The following GSTA3 variants were observed in gnomAD, a reference collection of about 807,000 sequenced individuals.
GSTA3 encodes the protein glutathione S-transferase A3.
A neutral mutation model predicts 23.1 loss-of-function variants in GSTA3; 16 were observed. That is an observed-to-expected ratio of 0.69 (90% CI 0.47 to 1.05). The LOEUF (loss-of-function observed/expected upper bound fraction) is 1.05, where lower values mean the gene tolerates loss of function less well. Among genes scored for constraint, GSTA3 ranks in the 50% least tolerant of loss-of-function variants. GSTA3 has a pLI of 0.00. For synonymous variants in GSTA3, 122 were observed against 91.0 expected (o/e 1.34, Z -1.94); for missense variants, 319 against 263.6 (o/e 1.21, Z -1.46).
intron 1 of GSTA3, among the ~76,000 whole-genome samples, chr6:52,908,225 T>C (rs551002847): frequency 1.3e-5 from 2 of 151,104 alleles, no homozygotes; most frequent in South Asian, 2.1e-4. Flanking sequence ...ATAGAGTAAT[T>C]AAAAAACAAA....
chr6:52,897,580 T>C (rs1765495158), intron 6 of GSTA3, among the ~76,000 whole-genome samples: 1 of 152,224 alleles, frequency 6.6e-6, no homozygotes, highest in African/African-American at 2.4e-5. Flanking sequence ...TGCTGGGCCC[T>C]GGGTCCTTTC....
chr6:52,903,070 C>G (rs1765748539), intron 3 of GSTA3, among the ~76,000 whole-genome samples: 1 of 152,064 alleles, frequency 6.6e-6, no homozygotes, highest in Non-Finnish European at 1.5e-5. Flanking sequence ...AGCTGATGAC[C>G]TCAGCTCATT....
chr6:52,908,391 T>A (rs780091606), intron 1 of GSTA3, among the ~76,000 whole-genome samples: 1 of 152,080 alleles, frequency 6.6e-6, no homozygotes, highest in African/African-American at 2.4e-5. Flanking sequence ...GTCCCACACC[T>A]GTAGTCCCAG....
At chr6:52,898,290 C>A (rs1009606625) in intron 5 of GSTA3, among the ~76,000 whole-genome samples, 1 of 152,122 alleles carries the variant, frequency 6.6e-6, no homozygotes, top group Admixed American at 6.5e-5. Flanking sequence ...AGCGTGTAGC[C>A]TTGACATTCA....
Position 52,897,144 on chromosome 6 carries a change from CA to C in GSTA3, c.547-217del, listed in dbSNP as rs45587434. Among the ~76,000 whole-genome samples, 15 of 152,318 alleles carry C rather than the reference CA, an allele frequency of 9.8e-5. No individual in the cohort carries two copies. In the East Asian group the frequency reaches 2.7e-3, roughly 27 times the overall value. ...CGCAAAGATGTCTTAAAGTTTTAAT[CA>C]ATTCAGTCATCCCTATCTTTCTCCT... On this transcript the variant is annotated intron_variant, in intron 6 of 6. Transcript: ENST00000211122.
At chr6:52,908,190 G>A (rs1042717579) in intron 1 of GSTA3, among the ~76,000 whole-genome samples, 1 of 145,342 alleles carries the variant, frequency 6.9e-6, no homozygotes, top group African/African-American at 2.6e-5. Context: ...TGCCTATAGC[G>A]CTCACTGTTT....
intron 3 of GSTA3, among the ~76,000 whole-genome samples, chr6:52,903,354 G>A (rs1472840000): frequency 2.6e-5 from 4 of 151,374 alleles, no homozygotes; most frequent in Non-Finnish European, 5.9e-5. Flanking sequence ...TTGGGAGGCC[G>A]AGGCGGGCGG....
intron 5 of GSTA3, 124 bp downstream of exon 5, chr6:52,899,810 G>A (rs1765603571): frequency 1.2e-6 from 1 of 869,556 alleles, no homozygotes; most frequent in Non-Finnish European, 1.9e-6. Context: ...GAGAGTCAGA[G>A]AGCTGAATTG....
At chr6:52,907,897 C>A (rs1243823792) in intron 1 of GSTA3, among the ~76,000 whole-genome samples, 1 of 151,548 alleles carries the variant, frequency 6.6e-6, no homozygotes, top group Non-Finnish European at 1.5e-5. Context: ...GTGGGTGCAG[C>A]ACACCAGCAT....
At chr6:52,903,434 A>C (rs918132895) in intron 3 of GSTA3, among the ~76,000 whole-genome samples, 3 of 150,642 alleles carry the variant, frequency 2.0e-5, no homozygotes, top group African/African-American at 7.3e-5. Context: ...AAAAATACAA[A>C]AAAAAAAAAA....
Position 52,896,676 on chromosome 6 carries a change from A to G in GSTA3, c.*130T>C, listed in dbSNP as rs537082845. 80 of 1,031,586 alleles carry G rather than the reference A, an allele frequency of 7.8e-5. No individual in the cohort carries two copies. In the African/African-American group the frequency reaches 1.2e-3, roughly 15 times the overall value. The allele number at this position is 1,031,586 out of a possible 1,614,324, so 63.9% of individuals were successfully genotyped here. A position where few individuals can be genotyped will look rare whatever the true frequency, so the allele number is the denominator to read the frequency against. ...TAGCAAATAGGAGTTTTTATTATTT[A>G]ATTAGCATATAATTGGAAAGGGTTC... On this transcript the variant is annotated 3_prime_UTR_variant, in exon 7 of 7. Transcript: ENST00000211122.
At chr6:52,897,004 C>T (rs775098086) in intron 6 of GSTA3, 76 bp from the exon 7 acceptor site, 91 of 1,589,126 alleles carry the variant, frequency 5.7e-5, no homozygotes, top group Non-Finnish European at 7.3e-5. Context: ...GGGAATTTGA[C>T]CCCTCCTGCC....
chr6:52,903,956 C>A (rs1765793190), intron 2 of GSTA3, among the ~76,000 whole-genome samples: 1 of 152,054 alleles, frequency 6.6e-6, no homozygotes, highest in Non-Finnish European at 1.5e-5. Context: ...GACAATGGGT[C>A]AGAACTGCTC....
At chr6:52,901,447 A>C (rs993364460) in intron 4 of GSTA3, among the ~76,000 whole-genome samples, 1 of 152,226 alleles carries the variant, frequency 6.6e-6, no homozygotes, top group African/African-American at 2.4e-5. Flanking sequence ...TGTAGCATGC[A>C]TCAGTACTTC....
At chr6:52,901,655 T>C (rs943398874) in intron 4 of GSTA3, among the ~76,000 whole-genome samples, 4 of 152,234 alleles carry the variant, frequency 2.6e-5, no homozygotes, top group African/African-American at 9.6e-5. Flanking sequence ...AGTAGAGGAA[T>C]TGCTGGGTCA....
At chr6:52,898,392 C>T (rs917246020) in intron 5 of GSTA3, among the ~76,000 whole-genome samples, 4 of 152,164 alleles carry the variant, frequency 2.6e-5, no homozygotes, top group African/African-American at 9.7e-5. Context: ...CAGGAGTAGA[C>T]TATTTCAGAG....
At chr6:52,898,306 T>C (rs1486420369) in intron 5 of GSTA3, among the ~76,000 whole-genome samples, 1 of 152,118 alleles carries the variant, frequency 6.6e-6, no homozygotes, top group African/African-American at 2.4e-5. Context: ...ATTCAGGATG[T>C]GGCTCTACAA....
Position 52,905,859 on chromosome 6 carries a change from A to C in GSTA3, c.-21-4T>G. 2 of 1,385,776 alleles carry C rather than the reference A, an allele frequency of 1.4e-6. No homozygotes were observed. The highest frequency in any genetic ancestry group is 1.2e-5 in the South Asian group (1 of 84,756). 85.8% of individuals were successfully genotyped at this position (1,385,776 alleles called of 1,614,324 possible). A position where few individuals can be genotyped will look rare whatever the true frequency, so the allele number is the denominator to read the frequency against. Reference sequence around the variant, plus strand: ...TGGTAACAGTCTCTTGGTTTCTCTAAAATGAATGAATGAATGCATGAATGG... The same window carrying C: ...TGGTAACAGTCTCTTGGTTTCTCTACAATGAATGAATGAATGCATGAATGG... On this transcript the variant is annotated splice_region_variant and splice_polypyrimidine_tract_variant and intron_variant, in intron 1 of 6. Transcript: ENST00000211122.
At chr6:52,902,258 G>C (rs1765711642) in intron 4 of GSTA3, 88 bp downstream of exon 4, 1 of 1,527,548 alleles carries the variant, frequency 6.5e-7, no homozygotes, top group Middle Eastern at 2.3e-4. Context: ...TCCTGGTCAT[G>C]ATGCCCTGTC....
Sources: allele counts gnomAD v4.1 joint callset (sites outside exome capture counted in the v4.1 genomes callset), GRCh38; gene constraint gnomAD v4.1.1; transcripts MANE v1.5; gene names NCBI Gene and HGNC (gene_info 2026-07-23, HGNC 2026-07-21).